The following FKBP6 variants were observed in gnomAD, a reference collection of about 807,000 sequenced individuals.
The protein encoded by FKBP6 is inactive peptidyl-prolyl cis-trans isomerase FKBP6.
In FKBP6, 29 loss-of-function variants were observed where a neutral mutation model predicts 41.7. The ratio of observed to expected loss-of-function variants is 0.70; its 90% CI spans 0.52 to 0.95. The LOEUF is 0.95. Among genes scored for constraint, FKBP6 ranks in the 40% least tolerant of loss-of-function variants. The pLI, the probability that FKBP6 is intolerant of heterozygous loss-of-function variation, is 0.00. For synonymous variants in FKBP6, 130 were observed against 165.1 expected (o/e 0.79, Z 1.63); for missense variants, 338 against 408.7 (o/e 0.83, Z 1.49).
At chr7:73,333,433 A>C (rs1432924503) in intron 5 of FKBP6, among the ~76,000 whole-genome samples, 5 of 152,204 alleles carry the variant, frequency 3.3e-5, no homozygotes, top group African/African-American at 1.2e-4. Flanking sequence ...AAAAAACTAC[A>C]TCTTCCCAGC....
At chr7:73,329,313 G>T (rs73131580) in intron 2 of FKBP6, 47 bp from the exon 3 acceptor site, 1 of 1,019,320 alleles carries the variant, frequency 9.8e-7, no homozygotes, top group Non-Finnish European at 1.6e-6. Flanking sequence ...TTATGGTGGC[G>T]TGGGTGTTTT....
rs1245313307 is a variant in FKBP6, at chr7:73,336,446, G to T, written c.589-4192G>T. On this transcript the variant is annotated intron_variant, in intron 5 of 8. Transcript: ENST00000252037. ...TGGATTTGGACTTGATGAAGTGGAT[G>T]GCAGGGAACCACTGAGGAAGAGTGT... 2.0e-5 allele frequency among the ~76,000 whole-genome samples: 3 copies of T among 152,310 alleles called. No individual in the cohort carries two copies. In the South Asian group the frequency reaches 6.2e-4, roughly 32 times the overall value.
chr7:73,347,535 CTCTT>C (rs1805365615), intron 8 of FKBP6, among the ~76,000 whole-genome samples: 2 of 152,232 alleles, frequency 1.3e-5, no homozygotes, highest in African/African-American at 4.8e-5. Context: ...TATAATATAA[CTCTT>C]TCTTCTCTTA....
chr7:73,357,986 C>CAAAA (rs60447125), intron 8 of FKBP6, among the ~76,000 whole-genome samples, 195 bp from the exon 9 acceptor site: 1 of 101,266 alleles, frequency 9.9e-6, no homozygotes. Context: ...GGCTCTGTCT[C>CAAAA]AAAAAAAAAA....
At chr7:73,336,385 C>T (rs1011550222) in intron 5 of FKBP6, among the ~76,000 whole-genome samples, 2 of 152,064 alleles carry the variant, frequency 1.3e-5, no homozygotes, top group African/African-American at 4.8e-5. Context: ...TGATAGGAGG[C>T]GGCCAGATTC....
At chr7:73,350,539 CT>C (rs2115956421) in intron 8 of FKBP6, among the ~76,000 whole-genome samples, 1 of 152,250 alleles carries the variant, frequency 6.6e-6, no homozygotes, top group African/African-American at 2.4e-5. Context: ...AAATTCCCCC[CT>C]CCTTTGCTTT....
At chr7:73,353,376 A>G (rs1486496312) in intron 8 of FKBP6, among the ~76,000 whole-genome samples, 2 of 152,206 alleles carry the variant, frequency 1.3e-5, no homozygotes, top group Non-Finnish European at 2.9e-5. Context: ...ACAGATCAGC[A>G]TCTGTGAGGG....
chr7:73,353,361 C>CT (rs1563324371), intron 8 of FKBP6, among the ~76,000 whole-genome samples: 4 of 152,232 alleles, frequency 2.6e-5, no homozygotes, highest in African/African-American at 9.6e-5. Context: ...CTCTCATACT[C>CT]TGTTACAGAT....
chr7:73,333,266 G>A (rs1211194807), intron 5 of FKBP6, among the ~76,000 whole-genome samples: 7 of 145,986 alleles, frequency 4.8e-5, no homozygotes, highest in African/African-American at 1.8e-4. Flanking sequence ...GCAAGATTCT[G>A]TCTCCAAAAA....
chr7:73,341,536 G>A (rs551791493), intron 7 of FKBP6, among the ~76,000 whole-genome samples, 154 bp downstream of exon 7: 9 of 151,720 alleles, frequency 5.9e-5, no homozygotes, highest in East Asian at 5.9e-4. Flanking sequence ...GTGCTCGGCC[G>A]TGCGCTGCAC....
intron 2 of FKBP6, among the ~76,000 whole-genome samples, chr7:73,329,037 C>G (rs1554546990): frequency 6.6e-6 from 1 of 151,992 alleles, no homozygotes; most frequent in East Asian, 1.9e-4. Context: ...ACTCCTGGAC[C>G]CAAGTGAGCC....
At chr7:73,335,190 G>A (rs1319579930) in intron 5 of FKBP6, among the ~76,000 whole-genome samples, 2 of 151,924 alleles carry the variant, frequency 1.3e-5, no homozygotes, top group Admixed American at 1.3e-4. Flanking sequence ...CAGCTGCTGG[G>A]AGGCAGGAGG....
intron 8 of FKBP6, among the ~76,000 whole-genome samples, chr7:73,357,620 AG>A (rs1458654327): frequency 7.2e-5 from 11 of 152,030 alleles, no homozygotes; most frequent in Non-Finnish European, 1.3e-4. Flanking sequence ...CTGACTGGAA[AG>A]GGGTCTGTTC....
chr7:73,355,882 C>T (rs914748815), intron 8 of FKBP6, among the ~76,000 whole-genome samples: 1 of 151,692 alleles, frequency 6.6e-6, no homozygotes, highest in Non-Finnish European at 1.5e-5. Context: ...CTGGCTAACA[C>T]AGTGAAACTC....
chr7:73,334,275 C>G (rs1192162698), intron 5 of FKBP6, among the ~76,000 whole-genome samples: 1 of 152,150 alleles, frequency 6.6e-6, no homozygotes, highest in East Asian at 1.9e-4. Flanking sequence ...AACTTTTCCT[C>G]CACTCTGGGA....
Position 73,332,521 on chromosome 7 carries a change from G to A in FKBP6, c.588+745G>A, listed in dbSNP as rs369246520. ...AAAAAAAAAAAATCCTCATGCCAAA[G>A]GGATAAGTACTGGAGAGGGGACTAA... On this transcript the variant is annotated intron_variant, in intron 5 of 8. Coordinates refer to ENST00000252037, the MANE Select transcript of FKBP6 (RefSeq NM_003602.5). Among the ~76,000 whole-genome samples the A allele has an allele frequency of 2.0e-5, 3 of 151,970 alleles. No individual in the cohort carries two copies. The East Asian group carries it at 5.8e-4, about 30-fold the overall frequency.
chr7:73,338,928 A>G (rs1339525155), intron 5 of FKBP6, among the ~76,000 whole-genome samples: 1 of 152,174 alleles, frequency 6.6e-6, no homozygotes, highest in Non-Finnish European at 1.5e-5. Context: ...GGCTGTCTGC[A>G]CTTTCTTTGC....
At chr7:73,349,850 C>A (rs887112764) in intron 8 of FKBP6, among the ~76,000 whole-genome samples, 8 of 152,026 alleles carry the variant, frequency 5.3e-5, no homozygotes, top group African/African-American at 1.9e-4. Flanking sequence ...CTTTCTGGCA[C>A]AATTGGTTGA....
chr7:73,330,632 G>C (rs945659973), intron 4 of FKBP6, among the ~76,000 whole-genome samples: 15 of 152,240 alleles, frequency 9.9e-5, no homozygotes, highest in African/African-American at 3.4e-4. Flanking sequence ...AGTTCTCCCT[G>C]TGAGACAGTG....
Sources: gnomAD v4.1 joint callset for allele counts (sites outside exome capture counted in the v4.1 genomes callset) on GRCh38, gnomAD v4.1.1 for gene constraint, MANE v1.5 for transcripts, NCBI Gene and HGNC (gene_info 2026-07-23, HGNC 2026-07-21) for gene names.